PTPRN2: variants seen among roughly 807,000 people sequenced by gnomAD.
PTPRN2 encodes protein tyrosine phosphatase receptor type N2, also known as receptor-type tyrosine-protein phosphatase N2.
PTPRN2 carries 74 observed loss-of-function variants against 118.8 expected under a neutral mutation model. The observed-to-expected ratio is 0.62, with a 90% CI of 0.52 to 0.76. The LOEUF is 0.76. Among genes scored for constraint, PTPRN2 ranks in the 30% least tolerant of loss-of-function variants. The pLI, the probability that PTPRN2 is intolerant of heterozygous loss-of-function variation, is 0.00. For synonymous variants in PTPRN2, 641 were observed against 608.0 expected (o/e 1.05, Z -0.80); for missense variants, 1,481 against 1,394.4 (o/e 1.06, Z -0.99).
chr7:158,342,496 A>C (rs11972994), intron 2 of PTPRN2, among the ~76,000 whole-genome samples: 3,274 of 6,832 alleles, frequency 0.48, 1,072 homozygotes, highest in Non-Finnish European at 0.52. Context: ...ACGTCACTCA[A>C]ACCCACACTC....
At chr7:158,311,962 C>A (rs1343916709) in intron 3 of PTPRN2, among the ~76,000 whole-genome samples, 1 of 151,278 alleles carries the variant, frequency 6.6e-6, no homozygotes, top group South Asian at 2.1e-4. Context: ...CCTGTACATG[C>A]ACTCACGTGC....
intron 4 of PTPRN2, among the ~76,000 whole-genome samples, chr7:158,199,316 C>A (rs1468039770): frequency 6.6e-6 from 1 of 152,192 alleles, no homozygotes; most frequent in South Asian, 2.1e-4. Flanking sequence ...CTGTTCCTCA[C>A]ACTGGGCACT....
rs1802208895 is a variant in PTPRN2 at position 157,609,585 on chromosome 7, C to T, written c.2345-5510G>A. On this transcript the variant is annotated intron_variant, in intron 15 of 22. Transcript: ENST00000389418. The surrounding 1 kb of genome is among the most constrained non-coding windows in gnomAD (Gnocchi z 4.9). Reference sequence around the variant, plus strand: ...GGAACGATTCACGTGGCCACGGCCTCGTGGTCCACAGGGGAGCACAGGGTT... The same window carrying T: ...GGAACGATTCACGTGGCCACGGCCTTGTGGTCCACAGGGGAGCACAGGGTT... Among the ~76,000 whole-genome samples the T allele has an allele frequency of 6.6e-6, 1 of 152,152 alleles. No individual in the cohort carries two copies. Among genetic ancestry groups the T allele is most frequent in the South Asian group, 2.1e-4 (1 of 4,822 alleles).
At chr7:157,574,087 T>G (rs1799893948) in intron 19 of PTPRN2, among the ~76,000 whole-genome samples, 1 of 152,166 alleles carries the variant, frequency 6.6e-6, no homozygotes, top group African/African-American at 2.4e-5. Context: ...TTCAGGAAGG[T>G]GACACAGCCG....
At chr7:157,970,313 C>T (rs574303768) in intron 11 of PTPRN2, among the ~76,000 whole-genome samples, 5 of 152,222 alleles carry the variant, frequency 3.3e-5, no homozygotes, top group Admixed American at 2.0e-4. Context: ...TAGAAAGCAT[C>T]GTGGAAGCAA....
At chr7:158,246,687 C>T (rs1158892055) in intron 3 of PTPRN2, among the ~76,000 whole-genome samples, 2 of 151,942 alleles carry the variant, frequency 1.3e-5, no homozygotes, top group Non-Finnish European at 2.9e-5. Flanking sequence ...GCTAATTCAA[C>T]CTTACAGAGC....
chr7:158,216,494 A>T (rs1212502732), intron 3 of PTPRN2, among the ~76,000 whole-genome samples: 1 of 152,088 alleles, frequency 6.6e-6, no homozygotes, highest in Admixed American at 6.6e-5. Flanking sequence ...ATGATATAGG[A>T]TGGTTGAAAG....
Position 158,587,589 on chromosome 7 carries a change from G to A in PTPRN2, c.81C>T (p.Val27=), listed in dbSNP as rs745458569. ...PRVLPAAPSS[V]PRGRQLPGRL... ...GCCCCGGGAGCTGCCGGCCGCGGGGGACGGACGAAGGGGCGGCAGGCAGGA... is the reference window on the plus strand; with the variant it reads ...GCCCCGGGAGCTGCCGGCCGCGGGGAACGGACGAAGGGGCGGCAGGCAGGA... The change falls in exon 1 of 23, where the codon GTC becomes GTT. Residue 27 remains valine (V), a synonymous_variant. Coordinates refer to ENST00000389418, the MANE Select transcript of PTPRN2 (RefSeq NM_002847.5). The A allele has an allele frequency of 7.5e-7, 1 of 1,340,866 alleles. No homozygotes were observed. The highest frequency in any genetic ancestry group is 9.5e-7 in the Non-Finnish European group (1 of 1,051,556). 83.1% of individuals were successfully genotyped at this position (1,340,866 alleles called of 1,614,324 possible). A position where few individuals can be genotyped will look rare whatever the true frequency, so the allele number is the denominator to read the frequency against.
chr7:157,728,470 G>A (rs1213814991), intron 12 of PTPRN2, among the ~76,000 whole-genome samples: 1 of 152,242 alleles, frequency 6.6e-6, no homozygotes, highest in Non-Finnish European at 1.5e-5. Flanking sequence ...ACACTTGTCT[G>A]CATCCCGGGG....
At chr7:158,572,401 GCGGCTGAGGATT>G (rs1189669842) in intron 1 of PTPRN2, among the ~76,000 whole-genome samples, 2 of 152,194 alleles carry the variant, frequency 1.3e-5, no homozygotes, top group Non-Finnish European at 2.9e-5. Context: ...GCCCCATCTA[GCGGCTGAGGATT>G]CCAGCAGCCC....
At chr7:158,538,112 C>G (rs531830317) in intron 1 of PTPRN2, among the ~76,000 whole-genome samples, 20 of 152,364 alleles carry the variant, frequency 1.3e-4, no homozygotes, top group Non-Finnish European at 2.2e-4. Context: ...CTGTGGAGCT[C>G]TCTTCCGGAC....
chr7:158,354,019 G>A (rs1199913687), intron 2 of PTPRN2, among the ~76,000 whole-genome samples: 7 of 152,184 alleles, frequency 4.6e-5, no homozygotes, highest in South Asian at 4.1e-4. Flanking sequence ...GCAGCCCCAC[G>A]CTGCAGGACC....
At chr7:158,311,356 T>C (rs1412071805) in intron 3 of PTPRN2, among the ~76,000 whole-genome samples, 1 of 152,220 alleles carries the variant, frequency 6.6e-6, no homozygotes, top group African/African-American at 2.4e-5. Context: ...AGAAGATTCT[T>C]ACCAGGAAAT....
At position 158,333,422 on chromosome 7, in the gene PTPRN2, T is replaced by G. The variant is rs201393384; in HGVS notation, c.164-16490A>C. Among the ~76,000 whole-genome samples, 106 of 95,178 alleles carry G rather than the reference T, an allele frequency of 1.1e-3. 12 individuals carry two copies. Among genetic ancestry groups the G allele is most frequent in the African/African-American group, 3.8e-3 (96 of 24,956 alleles). 62.4% of individuals were successfully genotyped at this position (95,178 alleles called of 152,430 possible). ...GCAGACGTCACTCACACCCACACTG[T>G]CACCATAAGAGGTGACACCTGCAGA... On this transcript the variant is annotated intron_variant, in intron 2 of 22. Transcript: ENST00000389418.
chr7:158,368,926 A>G lies in PTPRN2; in HGVS notation c.164-51994T>C, dbSNP rs373212654. ...TTGGATTGAAGGATGGAAAGTATTG[A>G]TCCTGGGTGTGTCTGTGAGGGCGTT... is the stretch of plus-strand genomic sequence containing the variant. On this transcript the variant is annotated intron_variant, in intron 2 of 22. Coordinates refer to ENST00000389418, the MANE Select transcript of PTPRN2 (RefSeq NM_002847.5). Among the ~76,000 whole-genome samples the G allele has an allele frequency of 9.9e-5, 15 of 152,238 alleles. 1 individual carries two copies. The South Asian group carries it at 3.1e-3, about 32-fold the overall frequency.
At chr7:157,952,095 C>A (rs531318942) in intron 11 of PTPRN2, among the ~76,000 whole-genome samples, 2 of 152,332 alleles carry the variant, frequency 1.3e-5, no homozygotes, top group South Asian at 4.1e-4. Context: ...GCACACCCTG[C>A]GGGGAGGCCA....
At chr7:157,811,196 G>A (rs1345926719) in intron 12 of PTPRN2, among the ~76,000 whole-genome samples, 10 of 151,124 alleles carry the variant, frequency 6.6e-5, no homozygotes, top group African/African-American at 1.9e-4. Flanking sequence ...GCATGAACCC[G>A]GGAGGTGGAG....
chr7:158,353,427 A>G (rs1808160810), intron 2 of PTPRN2, among the ~76,000 whole-genome samples: 1 of 152,222 alleles, frequency 6.6e-6, no homozygotes, highest in Non-Finnish European at 1.5e-5. Flanking sequence ...ACATTTGCCT[A>G]AGACCACACT....
chr7:157,991,580 G>C (rs1237347968), intron 11 of PTPRN2, among the ~76,000 whole-genome samples: 1 of 152,182 alleles, frequency 6.6e-6, no homozygotes, highest in East Asian at 1.9e-4. Flanking sequence ...GGGAGGGCGA[G>C]GGAGGGCGGA....
Sources: gnomAD v4.1 joint callset for allele counts (sites outside exome capture counted in the v4.1 genomes callset) on GRCh38, gnomAD v4.1.1 for gene constraint, Gnocchi (gnomAD v3.1) non-coding constraint, MANE v1.5 for transcripts, NCBI Gene and HGNC (gene_info 2026-07-23, HGNC 2026-07-21) for gene names.